MRPL37: variants seen among roughly 807,000 people sequenced by gnomAD.
MRPL37 encodes the protein large ribosomal subunit protein mL37.
In MRPL37, 34 loss-of-function variants were observed where a neutral mutation model predicts 44.1. That is an observed-to-expected ratio of 0.77 (90% CI 0.59 to 1.03). The LOEUF (loss-of-function observed/expected upper bound fraction) is 1.03. Ranked by LOEUF, MRPL37 falls within the 50% of genes least tolerant of loss-of-function variation. The pLI is 0.00. For synonymous variants in MRPL37, 212 were observed against 219.5 expected (o/e 0.97, Z 0.30); for missense variants, 532 against 543.7 (o/e 0.98, Z 0.21).
At chr1:54,217,893 G>C (rs1004476789) in intron 6 of MRPL37, among the ~76,000 whole-genome samples, 1 of 152,188 alleles carries the variant, frequency 6.6e-6, no homozygotes, top group Admixed American at 6.5e-5. Flanking sequence ...GGATTAGAGA[G>C]GGCAGCAGCC....
At chr1:54,221,144 GTTC>G (rs59129036), downstream of MRPL37, among the ~76,000 whole-genome samples, 66,817 of 151,642 alleles carry the variant, frequency 0.44, 15,034 homozygotes, top group East Asian at 0.68. Context: ...TGGGTTTGGA[GTTC>G]TTCTTAGAAG....
chr1:54,213,740 A>G lies in MRPL37; in HGVS notation c.990+1082A>G, dbSNP rs556508440. 6.6e-5 allele frequency among the ~76,000 whole-genome samples: 10 copies of G among 152,332 alleles called. No individual in the cohort carries two copies. The South Asian group carries it at 1.9e-3, about 28-fold the overall frequency. On this transcript the variant is annotated intron_variant, in intron 5 of 6. Transcript: ENST00000360840. ...CAAGCCCCCCAGTTATGCTGCTACAAGCTCGAGTTTAAAAACCACTGAACT... is the reference window on the plus strand; with the variant it reads ...CAAGCCCCCCAGTTATGCTGCTACAGGCTCGAGTTTAAAAACCACTGAACT...
chr1:54,223,042 G>C (rs1475450895), downstream of MRPL37, among the ~76,000 whole-genome samples: 1 of 152,182 alleles, frequency 6.6e-6, no homozygotes, highest in Non-Finnish European at 1.5e-5. Context: ...GGAAACCAAG[G>C]GCATGGCTGA....
At chr1:54,223,569 G>A (rs1177453908), downstream of MRPL37, among the ~76,000 whole-genome samples, 1 of 152,192 alleles carries the variant, frequency 6.6e-6, no homozygotes, top group African/African-American at 2.4e-5. Context: ...TTTCTTTCCT[G>A]GCTCTGGGGC....
Position 54,205,368 on chromosome 1 carries a change from A to G in MRPL37, c.604A>G (p.Ile202Val), listed in dbSNP as rs199615607. 3 of 1,613,940 alleles carry G rather than the reference A, an allele frequency of 1.9e-6. No individual in the cohort carries two copies. The Admixed American group carries it at 5.0e-5, about 27-fold the overall frequency. Residue 202 changes from isoleucine (I) to valine (V), a missense_variant, in exon 3 of 7, where the codon ATC (isoleucine) becomes GTC (valine). Ile to Val is a conservative substitution (Grantham distance 29). Coordinates refer to ENST00000360840, the MANE Select transcript of MRPL37 (RefSeq NM_016491.4). ...CAAGCATCCTTCTCTGGCCAGGAGGATCTGTGTCCAAAACTCCACGTTTTC... is the reference window on the plus strand; with the variant it reads ...CAAGCATCCTTCTCTGGCCAGGAGGGTCTGTGTCCAAAACTCCACGTTTTC... ...ILKHPSLARR[I>V]CVQNSTFSAT...
At chr1:54,204,039 A>G (rs1043986872) in intron 1 of MRPL37, among the ~76,000 whole-genome samples, 2 of 152,068 alleles carry the variant, frequency 1.3e-5, no homozygotes, top group African/African-American at 4.8e-5. Context: ...ATGTTTGTTG[A>G]CCTCTGGTAT....
chr1:54,207,793 C>T (rs1375572153), intron 3 of MRPL37, among the ~76,000 whole-genome samples: 3 of 152,162 alleles, frequency 2.0e-5, no homozygotes, highest in Non-Finnish European at 4.4e-5. Context: ...TTATCCACCC[C>T]CAGATGTAGT....
In MRPL37 at chr1:54,212,785, A is replaced by G. The variant is rs2100512066; in HGVS notation, c.990+127A>G. The G allele has an allele frequency of 3.7e-6, 5 of 1,336,204 alleles. No individual in the cohort carries two copies. In the Middle Eastern group the frequency reaches 8.1e-4, roughly 215 times the overall value. The allele number at this position is 1,336,204 out of a possible 1,614,324, so 82.8% of individuals were successfully genotyped here. A position where few individuals can be genotyped will look rare whatever the true frequency, so the allele number is the denominator to read the frequency against. On this transcript the variant is annotated intron_variant, in intron 5 of 6. Coordinates refer to ENST00000360840, the MANE Select transcript of MRPL37 (RefSeq NM_016491.4). ...TCTTGACTGAGGAGTTTTAGGGAGG[A>G]GTACTTCAGCCCACCCTGTGGAGAT... is the stretch of plus-strand genomic sequence containing the variant.
intron 1 of MRPL37, among the ~76,000 whole-genome samples, chr1:54,204,010 T>G (rs754202757): frequency 2.6e-5 from 4 of 152,240 alleles, no homozygotes; most frequent in African/African-American, 4.8e-5. Context: ...AAATATTTAC[T>G]ATTTGGCCCT....
chr1:54,200,239 T>A lies in MRPL37; in HGVS notation c.-5T>A. 1 of 1,564,014 alleles carries A rather than the reference T, an allele frequency of 6.4e-7. No individual in the cohort carries two copies. The highest frequency in any genetic ancestry group is 8.6e-7 in the Non-Finnish European group (1 of 1,160,032). ...AGGTGGAGGTCTTGAGGCTATCAGA[T>A]CGGTATGGCATTGGCGTCCGGGCCC... On this transcript the variant is annotated 5_prime_UTR_variant, in exon 1 of 7. Transcript: ENST00000360840.
chr1:54,220,318 G>T (rs551415157), downstream of MRPL37, among the ~76,000 whole-genome samples: 6 of 152,330 alleles, frequency 3.9e-5, no homozygotes, highest in African/African-American at 1.2e-4. Flanking sequence ...CTTGAGGACT[G>T]CCTGGAAGGG....
chr1:54,225,313 C>CAA, downstream of MRPL37: 1 of 1,234,074 alleles, frequency 8.1e-7, no homozygotes, highest in Non-Finnish European at 1.0e-6. Context: ...GCAGACGCCT[C>CAA]AAACACAAAA....
chr1:54,206,233 CT>C (rs1317102776), intron 3 of MRPL37, among the ~76,000 whole-genome samples: 1 of 151,860 alleles, frequency 6.6e-6, no homozygotes, highest in African/African-American at 2.4e-5. Context: ...CTGCCTCAGC[CT>C]CCCGAGTAGC....
rs774396427 is a variant in MRPL37 at position 54,200,211 on chromosome 1, T to A, written c.-33T>A. ...CCCTGCGCGCGGCAACATGGCGGGG[T>A]CCAGGTGGAGGTCTTGAGGCTATCA... On this transcript the variant is annotated 5_prime_UTR_variant, in exon 1 of 7. Transcript: ENST00000360840. 2 of 1,509,918 alleles carry A rather than the reference T, an allele frequency of 1.3e-6. No homozygotes were observed. Among genetic ancestry groups the A allele is most frequent in the East Asian group, 4.6e-5 (2 of 43,906 alleles). 93.5% of individuals were successfully genotyped at this position (1,509,918 alleles called of 1,614,324 possible).
downstream of MRPL37, chr1:54,220,711 C>T: frequency 2.1e-6 from 1 of 471,346 alleles, no homozygotes; most frequent in Non-Finnish European, 4.4e-6. Context: ...TTGAGGGCCT[C>T]AGCCAGCCTC....
chr1:54,216,422 T>A, intron 6 of MRPL37, 78 bp downstream of exon 6: 2 of 1,513,226 alleles, frequency 1.3e-6, no homozygotes, highest in Non-Finnish European at 1.8e-6. Context: ...GTGGGATTGC[T>A]GGGGTGCTCT....
At chr1:54,205,752 A>G (rs1407354780) in intron 3 of MRPL37, among the ~76,000 whole-genome samples, 3 of 152,198 alleles carry the variant, frequency 2.0e-5, no homozygotes, top group Non-Finnish European at 4.4e-5. Flanking sequence ...TTCTATTGCA[A>G]TAGTCTTCTT....
In MRPL37 at chr1:54,216,318, C is replaced by T; in HGVS notation, c.1168C>T (p.Pro390Ser). ...CCTCTATCAGCATTTTTGGTGTCTCCCAGTGATCAAAAAGAGAGTGGTTGT... is the reference window on the plus strand; with the variant it reads ...CCTCTATCAGCATTTTTGGTGTCTCTCAGTGATCAAAAAGAGAGTGGTTGT... ...QLLYQHFWCLPVIKKRVVVEP... is the reference protein window; with the variant it reads ...QLLYQHFWCLSVIKKRVVVEP... The change falls in exon 6 of 7, where the codon CCA becomes TCA. Residue 390 changes from proline to serine, a missense_variant. Physicochemically the swap from Pro to Ser is moderately conservative, Grantham distance 74. Transcript: ENST00000360840. 1.9e-6 allele frequency: 3 copies of T among 1,614,064 alleles called. No individual in the cohort carries two copies. The highest frequency in any genetic ancestry group is 2.5e-6 in the Non-Finnish European group (3 of 1,180,026).
At chr1:54,217,055 A>G (rs982868027) in intron 6 of MRPL37, among the ~76,000 whole-genome samples, 1 of 152,160 alleles carries the variant, frequency 6.6e-6, no homozygotes, top group African/African-American at 2.4e-5. Flanking sequence ...TAAATTCCTG[A>G]TAGAGCATCA....
Sources: gnomAD v4.1 joint callset for allele counts (sites outside exome capture counted in the v4.1 genomes callset) on GRCh38, gnomAD v4.1.1 for gene constraint, MANE v1.5 for transcripts, NCBI Gene and HGNC (gene_info 2026-07-23, HGNC 2026-07-21) for gene names.